Variants in LOC400499 observed in about 807,000 individuals in gnomAD.
At chr16:11,512,097 T>A in the LOC400499 span, among the ~76,000 whole-genome samples, 1 of 150,866 alleles carries the variant, frequency 6.6e-6, no homozygotes, top group Non-Finnish European at 1.5e-5. Context: ...CAGACCACCC[T>A]GATGGTAAAA....
the LOC400499 span, chr16:11,471,876 T>A: frequency 7.5e-6 from 3 of 398,944 alleles, no homozygotes; most frequent in Admixed American, 1.3e-4. Flanking sequence ...GCTCTGGGCA[T>A]GGGTGCCCGC....
At chr16:11,383,071 C>T in the LOC400499 span, among the ~76,000 whole-genome samples, 1 of 145,126 alleles carries the variant, frequency 6.9e-6, no homozygotes, top group Non-Finnish European at 1.5e-5. Flanking sequence ...GTGCCAGGGT[C>T]TTTTTTTTTT....
the LOC400499 span, among the ~76,000 whole-genome samples, chr16:11,466,635 T>C: frequency 6.6e-6 from 1 of 152,060 alleles, no homozygotes; most frequent in African/African-American, 2.4e-5. Flanking sequence ...GTGAGCCACC[T>C]TTCTCGGCCT....
chr16:11,480,639 A>G, the LOC400499 span, among the ~76,000 whole-genome samples: 1 of 152,228 alleles, frequency 6.6e-6, no homozygotes, highest in Non-Finnish European at 1.5e-5. Flanking sequence ...GAGAAAAAGT[A>G]GGCTAAAGAT....
chr16:11,408,975 G>T, the LOC400499 span, among the ~76,000 whole-genome samples: 1 of 151,808 alleles, frequency 6.6e-6, no homozygotes, highest in Non-Finnish European at 1.5e-5. Context: ...ATAAAATGTT[G>T]GGGGGCCAGA....
chr16:11,490,881 A>G, the LOC400499 span, among the ~76,000 whole-genome samples: 2 of 152,258 alleles, frequency 1.3e-5, no homozygotes, highest in Admixed American at 6.5e-5. Flanking sequence ...TGGGGGGAAG[A>G]GGAAGGAAGA....
chr16:11,459,890 G>A, the LOC400499 span: 39 of 1,379,790 alleles, frequency 2.8e-5, no homozygotes, highest in African/African-American at 4.3e-5. Context: ...CAGTGGCCAG[G>A]CTCACCTCCA....
At chr16:11,401,933 C>A in the LOC400499 span, 4 of 398,370 alleles carry the variant, frequency 1.0e-5, no homozygotes, top group African/African-American at 6.2e-5. Context: ...CTCATTGACC[C>A]CAGATAAGGC....
chr16:11,464,644 T>G, the LOC400499 span, among the ~76,000 whole-genome samples: 114,498 of 152,120 alleles, frequency 0.75, 43,676 homozygotes, highest in Admixed American at 0.8. Context: ...CATCTTGTAT[T>G]GGGTTACAGA....
the LOC400499 span, among the ~76,000 whole-genome samples, chr16:11,405,693 C>T: frequency 6.6e-6 from 1 of 152,192 alleles, no homozygotes; most frequent in Non-Finnish European, 1.5e-5. Context: ...TTGGTCCACG[C>T]ATTATTATTG....
At chr16:11,505,440 CT>C in the LOC400499 span, among the ~76,000 whole-genome samples, 1 of 75,334 alleles carries the variant, frequency 1.3e-5, no homozygotes, top group Non-Finnish European at 2.9e-5. Flanking sequence ...TTTAATTTTT[CT>C]TTTCTTTTTT....
chr16:11,486,187 A>G, the LOC400499 span, among the ~76,000 whole-genome samples: 58,639 of 106,356 alleles, frequency 0.55, 17,166 homozygotes, highest in African/African-American at 0.84. Context: ...TGGGCGGATA[A>G]ATGATGGGTG....
chr16:11,465,261 G>T, the LOC400499 span: 2 of 152,144 alleles, frequency 1.3e-5, no homozygotes, highest in Non-Finnish European at 1.5e-5. Flanking sequence ...CAAGAAGCTG[G>T]GACTACAGGC....
chr16:11,451,639 G>A, the LOC400499 span, among the ~76,000 whole-genome samples: 41 of 152,090 alleles, frequency 2.7e-4, no homozygotes, highest in Non-Finnish European at 5.4e-4. Context: ...AAACAATAAA[G>A]AAGGAATTTG....
At chr16:11,497,102 G>A in the LOC400499 span, among the ~76,000 whole-genome samples, 2 of 152,158 alleles carry the variant, frequency 1.3e-5, no homozygotes, top group Non-Finnish European at 2.9e-5. Context: ...CTGTGCCTTG[G>A]TGTGAGCCTG....
the LOC400499 span, among the ~76,000 whole-genome samples, chr16:11,501,225 CCA>C: frequency 6.6e-6 from 1 of 151,226 alleles, no homozygotes; most frequent in Non-Finnish European, 1.5e-5. Context: ...AAGTCCGTAC[CCA>C]GTGCTCTGCT....
the LOC400499 span, among the ~76,000 whole-genome samples, chr16:11,497,010 G>A: frequency 1.1e-4 from 16 of 152,222 alleles, no homozygotes; most frequent in Admixed American, 1.0e-3. Flanking sequence ...GCCTCAGTGT[G>A]AGCCTGCAAC....
the LOC400499 span, chr16:11,518,765 A>G: frequency 2.5e-6 from 1 of 396,984 alleles, no homozygotes; most frequent in Non-Finnish European, 4.4e-6. Flanking sequence ...TCTTTGCTAC[A>G]GAGAGGTCAC....
At chr16:11,379,400 C>T in the LOC400499 span, among the ~76,000 whole-genome samples, 1 of 152,222 alleles carries the variant, frequency 6.6e-6, no homozygotes, top group Non-Finnish European at 1.5e-5. Flanking sequence ...GGTGAATTGA[C>T]TGTTATCATT....
Sources: allele counts gnomAD v4.1 joint callset (sites outside exome capture counted in the v4.1 genomes callset), GRCh38; gene constraint gnomAD v4.1.1; transcripts MANE v1.5.